SBF2: variants seen among roughly 807,000 people sequenced by gnomAD.
SBF2 encodes myotubularin-related protein 13.
Under a neutral mutation model 225.2 loss-of-function variants are expected in SBF2, and 112 were observed. The observed-to-expected ratio is 0.50, with a 90% CI of 0.43 to 0.58. SBF2 has a LOEUF of 0.58. SBF2 is among the 20% of genes least tolerant of loss of function. SBF2 has a pLI of 0.00. For synonymous variants in SBF2, 763 were observed against 773.3 expected (o/e 0.99, Z 0.22); for missense variants, 1,996 against 2,206.2 (o/e 0.90, Z 1.91).
At chr11:10,265,879 G>A (rs776151996) in intron 1 of SBF2, among the ~76,000 whole-genome samples, 57 of 151,450 alleles carry the variant, frequency 3.8e-4, no homozygotes, top group African/African-American at 1.2e-3. Flanking sequence ...GTGTGTGCGC[G>A]CGCGCATGTG....
At chr11:10,092,753 AT>A (rs1346926758) in intron 2 of SBF2, among the ~76,000 whole-genome samples, 18 of 152,332 alleles carry the variant, frequency 1.2e-4, no homozygotes, top group Admixed American at 8.5e-4. Flanking sequence ...ATACACACGC[AT>A]TTAAATTCAA....
intron 2 of SBF2, among the ~76,000 whole-genome samples, chr11:10,173,589 C>A (rs1469383718): frequency 6.6e-6 from 1 of 152,156 alleles, no homozygotes; most frequent in African/African-American, 2.4e-5. Flanking sequence ...GGGGGAGGGG[C>A]GCCCACCATT....
At chr11:9,872,103 G>A (rs1198696175) in intron 17 of SBF2, among the ~76,000 whole-genome samples, 3 of 152,188 alleles carry the variant, frequency 2.0e-5, no homozygotes, top group Non-Finnish European at 2.9e-5. Flanking sequence ...AATAAAGAAA[G>A]TGTGGTATAT....
intron 17 of SBF2, among the ~76,000 whole-genome samples, chr11:9,870,271 C>T (rs1215075592): frequency 6.6e-6 from 1 of 152,120 alleles, no homozygotes; most frequent in Non-Finnish European, 1.5e-5. Context: ...TGAAAATGGC[C>T]ATACTGCCCA....
intron 6 of SBF2, among the ~76,000 whole-genome samples, chr11:10,018,627 T>C (rs749670581): frequency 1.3e-5 from 2 of 152,048 alleles, no homozygotes; most frequent in Non-Finnish European, 2.9e-5. Flanking sequence ...AAAAGGACAA[T>C]GGGCAGGACA....
At chr11:10,145,405 G>C (rs1317762634) in intron 2 of SBF2, among the ~76,000 whole-genome samples, 1 of 152,056 alleles carries the variant, frequency 6.6e-6, no homozygotes, top group Non-Finnish European at 1.5e-5. Context: ...AGCCTCAGAA[G>C]TGCATATTCT....
intron 13 of SBF2, among the ~76,000 whole-genome samples, chr11:9,975,775 C>G (rs1946652789): frequency 6.6e-6 from 1 of 152,106 alleles, no homozygotes; most frequent in Admixed American, 6.6e-5. Flanking sequence ...TATGTCTTGA[C>G]TCTCTAAAGG....
intron 6 of SBF2, among the ~76,000 whole-genome samples, chr11:10,022,367 G>A (rs1053979039): frequency 7.2e-5 from 11 of 151,998 alleles, no homozygotes; most frequent in African/African-American, 2.2e-4. Context: ...GATAAAATCT[G>A]TATTTTGCTT....
chr11:9,958,160 C>A (rs1222438498), intron 16 of SBF2: 1 of 152,112 alleles, frequency 6.6e-6, no homozygotes, highest in African/African-American at 2.4e-5. Flanking sequence ...ACAGGCACAC[C>A]CCGTTAAATG....
chr11:10,265,490 A>G (rs577102808), intron 1 of SBF2, among the ~76,000 whole-genome samples: 16 of 16,388 alleles, frequency 9.8e-4, no homozygotes, highest in African/African-American at 2.2e-3. Context: ...CAAGTGCAGA[A>G]ATCGGGGGGG....
chr11:10,026,754 G>C (rs1949072114), intron 6 of SBF2, among the ~76,000 whole-genome samples: 1 of 151,782 alleles, frequency 6.6e-6, no homozygotes, highest in South Asian at 2.1e-4. Context: ...AATTTTTTTT[G>C]TTAATTTCCA....
intron 1 of SBF2, among the ~76,000 whole-genome samples, chr11:10,240,050 A>G (rs1959186916): frequency 6.6e-6 from 1 of 152,138 alleles, no homozygotes; most frequent in African/African-American, 2.4e-5. Flanking sequence ...GCTGATTAGT[A>G]TTGGTAGTTA....
At chr11:10,247,526 C>CA (rs36111945) in intron 1 of SBF2, among the ~76,000 whole-genome samples, 13,291 of 112,076 alleles carry the variant, frequency 0.12, 806 homozygotes, top group African/African-American at 0.21. Context: ...ACTAAAAATA[C>CA]AAAAAAAAAA....
intron 6 of SBF2, among the ~76,000 whole-genome samples, chr11:10,005,278 C>T (rs1948144244): frequency 6.6e-6 from 1 of 152,124 alleles, no homozygotes; most frequent in African/African-American, 2.4e-5. Flanking sequence ...AGGAAGAAAG[C>T]CTCCAGTGAG....
chr11:10,183,900 G>A (rs1956830542), intron 2 of SBF2, among the ~76,000 whole-genome samples: 2 of 152,168 alleles, frequency 1.3e-5, no homozygotes, highest in Non-Finnish European at 2.9e-5. Context: ...AGCTAAATGG[G>A]AAATATAAGT....
At chr11:9,970,298 C>A (rs1428431115) in intron 13 of SBF2, among the ~76,000 whole-genome samples, 1 of 151,972 alleles carries the variant, frequency 6.6e-6, no homozygotes, top group Non-Finnish European at 1.5e-5. Context: ...GCTCCACCTC[C>A]CGGGTTCACA....
At chr11:10,262,571 T>C (rs1312799503) in intron 1 of SBF2, among the ~76,000 whole-genome samples, 1 of 152,188 alleles carries the variant, frequency 6.6e-6, no homozygotes, top group Non-Finnish European at 1.5e-5. Flanking sequence ...TGCTCTCTGA[T>C]GCGAGGGTAG....
At chr11:9,893,768 C>T (rs1861023288) in intron 17 of SBF2, among the ~76,000 whole-genome samples, 1 of 152,200 alleles carries the variant, frequency 6.6e-6, no homozygotes, top group Non-Finnish European at 1.5e-5. Flanking sequence ...CACAACACCT[C>T]TCCAACATGA....
chr11:10,255,347 CAT>C (rs1337350022), intron 1 of SBF2, among the ~76,000 whole-genome samples: 2 of 152,120 alleles, frequency 1.3e-5, no homozygotes, highest in African/African-American at 4.8e-5. Context: ...GATAAACACA[CAT>C]AAATTTTATT....
Sources: allele counts gnomAD v4.1 joint callset (sites outside exome capture counted in the v4.1 genomes callset), GRCh38; gene constraint gnomAD v4.1.1; transcripts MANE v1.5; gene names NCBI Gene and HGNC (gene_info 2026-07-23, HGNC 2026-07-21).